The following GALNT13 variants were observed in gnomAD, a reference collection of about 807,000 sequenced individuals.
The protein encoded by GALNT13 is UDP-GalNAc:polypeptide N-acetylgalactosaminyltransferase 13.
Under a neutral mutation model 64.2 loss-of-function variants are expected in GALNT13, and 28 were observed. The observed-to-expected ratio is 0.44, with a 90% CI of 0.32 to 0.60. The LOEUF (loss-of-function observed/expected upper bound fraction) is 0.60, where lower values mean the gene tolerates loss of function less well. Ranked by LOEUF, GALNT13 falls within the 20% of genes least tolerant of loss-of-function variation. The probability of loss-of-function intolerance (pLI) is 0.05; values close to 1 mark genes in which losing one functional copy is unlikely to be tolerated. For synonymous variants in GALNT13, 214 were observed against 224.6 expected (o/e 0.95, Z 0.42); for missense variants, 577 against 669.8 (o/e 0.86, Z 1.53).
the GALNT13 span, among the ~76,000 whole-genome samples, chr2:153,671,296 A>G: frequency 6.6e-6 from 1 of 152,196 alleles, no homozygotes; most frequent in Non-Finnish European, 1.5e-5. Context: ...AAGTGCAGCC[A>G]GAGAGAAAGG....
At chr2:154,166,745 AG>A (rs1368298198) in intron 4 of GALNT13, among the ~76,000 whole-genome samples, 8 of 152,260 alleles carry the variant, frequency 5.3e-5, no homozygotes, top group Non-Finnish European at 7.3e-5. Flanking sequence ...CATCAGTGAT[AG>A]ACTGGATTAA....
the GALNT13 span, among the ~76,000 whole-genome samples, chr2:153,307,783 C>A: frequency 6.6e-6 from 1 of 151,982 alleles, no homozygotes; most frequent in African/African-American, 2.4e-5. Context: ...TCAGAACAAG[C>A]TTTACCACTT....
At chr2:153,227,828 G>C in the GALNT13 span, among the ~76,000 whole-genome samples, 1 of 152,146 alleles carries the variant, frequency 6.6e-6, no homozygotes, top group Non-Finnish European at 1.5e-5. Flanking sequence ...TACTTTGACA[G>C]AATTATTAGT....
At chr2:154,324,804 G>A (rs1574088839) in intron 9 of GALNT13, among the ~76,000 whole-genome samples, 1 of 152,240 alleles carries the variant, frequency 6.6e-6, no homozygotes, top group African/African-American at 2.4e-5. Context: ...ACCGGCAGGA[G>A]TGTGGTTGCT....
the GALNT13 span, among the ~76,000 whole-genome samples, chr2:153,713,054 T>C: frequency 6.6e-6 from 1 of 152,172 alleles, no homozygotes; most frequent in Admixed American, 6.5e-5. Context: ...AGCCAATATA[T>C]AGGTGAGTCA....
chr2:153,349,792 C>T, the GALNT13 span, among the ~76,000 whole-genome samples: 17 of 152,112 alleles, frequency 1.1e-4, no homozygotes, highest in African/African-American at 3.4e-4. Flanking sequence ...TTTTTGCCAG[C>T]TTCCTTGGCT....
intron 3 of GALNT13, among the ~76,000 whole-genome samples, chr2:154,082,738 G>T (rs1701334012): frequency 6.6e-6 from 1 of 151,640 alleles, no homozygotes; most frequent in South Asian, 2.1e-4. Flanking sequence ...CATATCCTTT[G>T]CCCACTTTTT....
the GALNT13 span, among the ~76,000 whole-genome samples, chr2:153,124,928 G>A: frequency 6.6e-6 from 1 of 152,322 alleles, no homozygotes; most frequent in East Asian, 1.9e-4. Context: ...GTCTCAGTTA[G>A]AGGTCATTCT....
intron 3 of GALNT13, among the ~76,000 whole-genome samples, chr2:153,965,823 A>G (rs1187397232): frequency 6.6e-6 from 1 of 151,768 alleles, no homozygotes; most frequent in Non-Finnish European, 1.5e-5. Flanking sequence ...CAAAAACTAA[A>G]AAACTCTACA....
At chr2:154,154,456 A>C (rs531166009) in intron 4 of GALNT13, among the ~76,000 whole-genome samples, 1 of 152,172 alleles carries the variant, frequency 6.6e-6, no homozygotes, top group Admixed American at 6.5e-5. Context: ...CAACAAGGAG[A>C]TTTTAGAACA....
chr2:153,677,020 T>C, the GALNT13 span, among the ~76,000 whole-genome samples: 1 of 152,038 alleles, frequency 6.6e-6, no homozygotes, highest in Admixed American at 6.6e-5. Flanking sequence ...CTGGAAATCC[T>C]GGCCAGAGAA....
intron 12 of GALNT13, among the ~76,000 whole-genome samples, chr2:154,445,133 A>G (rs1360263602): frequency 5.3e-5 from 8 of 152,026 alleles, no homozygotes; most frequent in Non-Finnish European, 1.2e-4. Context: ...CTCAATAAGG[A>G]CAAGATTTGT....
chr2:153,572,724 T>C, the GALNT13 span, among the ~76,000 whole-genome samples: 1 of 152,030 alleles, frequency 6.6e-6, no homozygotes, highest in African/African-American at 2.4e-5. Flanking sequence ...GAGCATATTG[T>C]CTAATTTCTA....
chr2:153,203,980 A>C, the GALNT13 span, among the ~76,000 whole-genome samples: 1 of 152,226 alleles, frequency 6.6e-6, no homozygotes, highest in Admixed American at 6.5e-5. Context: ...AAATTTTAGC[A>C]TGTGAATATA....
intron 3 of GALNT13, among the ~76,000 whole-genome samples, chr2:154,091,151 A>G (rs1574483446): frequency 6.6e-6 from 1 of 152,148 alleles, no homozygotes; most frequent in African/African-American, 2.4e-5. Context: ...CAGATATTTG[A>G]TGAAGGCTCT....
At chr2:154,181,517 T>G (rs1162962225) in intron 4 of GALNT13, among the ~76,000 whole-genome samples, 1 of 152,124 alleles carries the variant, frequency 6.6e-6, no homozygotes, top group Non-Finnish European at 1.5e-5. Flanking sequence ...AAGGAATAAT[T>G]TAAAGTTGAA....
intron 12 of GALNT13, among the ~76,000 whole-genome samples, chr2:154,442,792 A>G (rs1701366550): frequency 6.6e-6 from 1 of 152,076 alleles, no homozygotes; most frequent in Non-Finnish European, 1.5e-5. Context: ...CTAATTTTAG[A>G]TCAGAACACT....
the GALNT13 span, chr2:153,593,261 C>G: frequency 3.3e-5 from 5 of 152,222 alleles, no homozygotes; most frequent in Admixed American, 6.6e-5. Flanking sequence ...ACCAGCCCTT[C>G]GGTTTGCGGT....
At chr2:153,668,526 CAAGA>C in the GALNT13 span, among the ~76,000 whole-genome samples, 1 of 151,850 alleles carries the variant, frequency 6.6e-6, no homozygotes, top group Non-Finnish European at 1.5e-5. Flanking sequence ...AACTGGGACA[CAAGA>C]AAGACTGACA....
Sources: gnomAD v4.1 joint callset for allele counts (sites outside exome capture counted in the v4.1 genomes callset) on GRCh38, gnomAD v4.1.1 for gene constraint, MANE v1.5 for transcripts, NCBI Gene and HGNC (gene_info 2026-07-23, HGNC 2026-07-21) for gene names.